The following EXTL3 variants were observed in gnomAD, a reference collection of about 807,000 sequenced individuals.
The protein encoded by EXTL3 is exostosin like glycosyltransferase 3.
A neutral mutation model predicts 69.3 loss-of-function variants in EXTL3; 27 were observed. The ratio of observed to expected loss-of-function variants is 0.39; its 90% CI spans 0.29 to 0.54. EXTL3 has a LOEUF of 0.54. Among genes scored for constraint, EXTL3 ranks in the 20% least tolerant of loss-of-function variants. The pLI, the probability that EXTL3 is intolerant of heterozygous loss-of-function variation, is 0.69. For missense variants in EXTL3, 1,003 were observed against 1,231.8 expected, an observed-to-expected ratio of 0.81 and a Z score of 2.78; for synonymous variants, 511 against 499.4, an observed-to-expected ratio of 1.02 and a Z score of -0.31.
At chr8:28,743,927 T>C (rs1449781853) in intron 6 of EXTL3, 1 of 152,534 alleles carries the variant, frequency 6.6e-6, no homozygotes, top group Admixed American at 6.5e-5. Flanking sequence ...AATTATTTGC[T>C]CACAACCAAA....
intron 1 of EXTL3, among the ~76,000 whole-genome samples, chr8:28,641,943 C>T (rs1405285870): frequency 6.6e-6 from 1 of 152,172 alleles, no homozygotes; most frequent in East Asian, 1.9e-4. Context: ...TCATGCCATT[C>T]TCCTGCCTCA....
At chr8:28,646,778 G>A (rs1806837658) in intron 1 of EXTL3, among the ~76,000 whole-genome samples, 1 of 152,166 alleles carries the variant, frequency 6.6e-6, no homozygotes, top group Non-Finnish European at 1.5e-5. Flanking sequence ...TCTCTGGGCT[G>A]CCATTTCCTC....
chr8:28,646,175 A>C (rs1337963539), intron 1 of EXTL3, among the ~76,000 whole-genome samples: 10 of 152,204 alleles, frequency 6.6e-5, no homozygotes, highest in Non-Finnish European at 1.5e-4. Context: ...AGTTATTCTT[A>C]AAAACTACTC....
intron 1 of EXTL3, among the ~76,000 whole-genome samples, chr8:28,634,151 TG>T (rs1306364358): frequency 6.6e-6 from 1 of 152,260 alleles, no homozygotes; most frequent in East Asian, 1.9e-4. Context: ...CTGAGCTTTT[TG>T]TTTTTATGCT....
intron 1 of EXTL3, among the ~76,000 whole-genome samples, chr8:28,638,820 G>A (rs1462946434): frequency 2.0e-5 from 3 of 151,996 alleles, no homozygotes; most frequent in East Asian, 3.9e-4. Context: ...TAGTACAGAC[G>A]GGGTCTCACT....
At chr8:28,632,727 A>AT (rs1044152742) in intron 1 of EXTL3, among the ~76,000 whole-genome samples, 36 of 151,350 alleles carry the variant, frequency 2.4e-4, no homozygotes, top group African/African-American at 8.0e-4. Context: ...TAATTTTTGT[A>AT]TTTTTTAGTA....
intron 1 of EXTL3, among the ~76,000 whole-genome samples, chr8:28,694,810 G>A (rs1337844792): frequency 3.3e-5 from 5 of 152,146 alleles, no homozygotes; most frequent in Non-Finnish European, 1.5e-5. Flanking sequence ...TCAGGAGTTC[G>A]AGACCAGACT....
At chr8:28,743,640 G>T (rs1195944580) in intron 6 of EXTL3, among the ~76,000 whole-genome samples, 2 of 152,138 alleles carry the variant, frequency 1.3e-5, no homozygotes, top group East Asian at 3.8e-4. Context: ...TTACTGCTTT[G>T]AATTCACGGC....
At chr8:28,729,693 G>A (rs937426045) in intron 3 of EXTL3, among the ~76,000 whole-genome samples, 1 of 151,534 alleles carries the variant, frequency 6.6e-6, no homozygotes, top group Admixed American at 6.6e-5. Context: ...GAAAAGGACT[G>A]GGTTTGGAAT....
chr8:28,659,879 T>C (rs1378713325), intron 1 of EXTL3, among the ~76,000 whole-genome samples: 2 of 152,210 alleles, frequency 1.3e-5, no homozygotes, highest in African/African-American at 2.4e-5. Flanking sequence ...GTCTCCCCTG[T>C]GTCTAATTCT....
At chr8:28,638,445 CTCCCTCTGCCTGTCTCT>C (rs1806689595) in intron 1 of EXTL3, among the ~76,000 whole-genome samples, 1 of 152,178 alleles carries the variant, frequency 6.6e-6, no homozygotes, top group Non-Finnish European at 1.5e-5. Context: ...CATGCTCAGC[CTCCCTCTGCCTGTCTCT>C]TGGTTTGTTT....
intron 1 of EXTL3, among the ~76,000 whole-genome samples, chr8:28,679,315 G>A (rs761541908): frequency 2.0e-5 from 3 of 152,070 alleles, no homozygotes; most frequent in South Asian, 2.1e-4. Context: ...GTGTGGTGGC[G>A]CGTGCCTGTA....
chr8:28,631,083 G>A (rs537294454), intron 1 of EXTL3, among the ~76,000 whole-genome samples: 39 of 152,068 alleles, frequency 2.6e-4, no homozygotes, highest in South Asian at 8.3e-4. Context: ...GAAACAGGTC[G>A]GGTGACATCA....
chr8:28,663,345 C>T (rs1044467784), intron 1 of EXTL3, among the ~76,000 whole-genome samples: 11 of 152,204 alleles, frequency 7.2e-5, no homozygotes, highest in African/African-American at 2.7e-4. Context: ...GGCAAGGGCT[C>T]AGGCAGATCA....
At chr8:28,666,316 C>T (rs1807196055) in intron 1 of EXTL3, among the ~76,000 whole-genome samples, 1 of 152,054 alleles carries the variant, frequency 6.6e-6, no homozygotes, top group Non-Finnish European at 1.5e-5. Context: ...CTCACTCTGT[C>T]ACCCAGGCTG....
chr8:28,611,287 C>CA (rs1563423964), intron 2 of EXTL3, among the ~76,000 whole-genome samples: 2 of 151,990 alleles, frequency 1.3e-5, no homozygotes, highest in Non-Finnish European at 2.9e-5. Flanking sequence ...CTCATCTTTA[C>CA]AAAAAATAAA....
rs549157591 is a variant in EXTL3 at position 28,704,436 on chromosome 8, G to T, written c.-570+2777G>T. On this transcript the variant is annotated intron_variant, in intron 1 of 6. Coordinates refer to ENST00000220562, the MANE Select transcript of EXTL3 (RefSeq NM_001440.4). ...AAAAGCAGGCAGCTGCCGCTTGCGGGTGCCTGCCTTAGAGTGCCACCCCTC... is the reference window on the plus strand; with the variant it reads ...AAAAGCAGGCAGCTGCCGCTTGCGGTTGCCTGCCTTAGAGTGCCACCCCTC... Among the ~76,000 whole-genome samples, 80 of 152,322 alleles carry T rather than the reference G, an allele frequency of 5.3e-4. 2 individuals are homozygous for T. The highest frequency in any genetic ancestry group is 1.9e-3 in the African/African-American group (80 of 41,570).
chr8:28,616,255 G>A (rs541729075), intron 2 of EXTL3, among the ~76,000 whole-genome samples: 4 of 151,918 alleles, frequency 2.6e-5, no homozygotes, highest in African/African-American at 9.6e-5. Context: ...ATGGGGGAGG[G>A]GGTGAGGAAT....
intron 3 of EXTL3, among the ~76,000 whole-genome samples, chr8:28,720,631 T>C (rs1801274520): frequency 6.6e-6 from 1 of 152,210 alleles, no homozygotes; most frequent in African/African-American, 2.4e-5. Flanking sequence ...CTGATTGAAA[T>C]GCTCTGTGTA....
Sources: allele counts gnomAD v4.1 joint callset (sites outside exome capture counted in the v4.1 genomes callset), GRCh38; gene constraint gnomAD v4.1.1; transcripts MANE v1.5; gene names NCBI Gene and HGNC (gene_info 2026-07-23, HGNC 2026-07-21).